Variants in EPHA6 observed in about 807,000 individuals in gnomAD.
The protein encoded by EPHA6 is EPH receptor A6.
In EPHA6, 50 loss-of-function variants were observed where a neutral mutation model predicts 112.0. That is an observed-to-expected ratio of 0.45 (90% CI 0.36 to 0.56). EPHA6 has a LOEUF of 0.56. Ranked by LOEUF, EPHA6 falls within the 20% of genes least tolerant of loss-of-function variation. EPHA6 has a pLI of 0.00. For synonymous variants in EPHA6, 529 were observed against 490.7 expected, an observed-to-expected ratio of 1.08 and a Z score of -1.03; for missense variants, 1,280 against 1,417.4, an observed-to-expected ratio of 0.90 and a Z score of 1.56.
At chr3:96,981,118 T>C (rs1227278204) in intron 2 of EPHA6, among the ~76,000 whole-genome samples, 2 of 152,210 alleles carry the variant, frequency 1.3e-5, no homozygotes, top group African/African-American at 4.8e-5. Context: ...AGGGCGTCCC[T>C]GTCTTGTGCC....
intron 3 of EPHA6, among the ~76,000 whole-genome samples, chr3:97,021,083 A>G (rs1354003083): frequency 6.6e-6 from 1 of 152,214 alleles, no homozygotes; most frequent in East Asian, 1.9e-4. Flanking sequence ...AGAGTGGCCA[A>G]ACAGGTAACA....
chr3:97,452,405 C>CAT (rs371954144), intron 7 of EPHA6, among the ~76,000 whole-genome samples: 63 of 151,824 alleles, frequency 4.1e-4, no homozygotes, highest in African/African-American at 1.4e-3. Context: ...GATATTCACT[C>CAT]ATATATAATC....
chr3:97,182,782 G>T (rs199899141), intron 3 of EPHA6, among the ~76,000 whole-genome samples: 1 of 152,120 alleles, frequency 6.6e-6, no homozygotes, highest in East Asian at 1.9e-4. Context: ...ATAAGAGAAA[G>T]TAGTGTAGAA....
At chr3:97,187,318 C>CCG in intron 3 of EPHA6, among the ~76,000 whole-genome samples, 1 of 152,160 alleles carries the variant, frequency 6.6e-6, no homozygotes, top group South Asian at 2.1e-4. Context: ...TGGCTCACGC[C>CCG]TGTATTCCCA....
intron 6 of EPHA6, among the ~76,000 whole-genome samples, chr3:97,435,293 C>T (rs941162760): frequency 9.9e-5 from 15 of 152,078 alleles, no homozygotes; most frequent in Non-Finnish European, 2.1e-4. Context: ...ATTTTCAGTA[C>T]TGGGTCAAAA....
chr3:97,420,633 A>G (rs1411356187), intron 6 of EPHA6, among the ~76,000 whole-genome samples: 1 of 152,144 alleles, frequency 6.6e-6, no homozygotes, highest in Non-Finnish European at 1.5e-5. Context: ...CAAGGAACCC[A>G]TCATTTCAAA....
intron 11 of EPHA6, among the ~76,000 whole-genome samples, chr3:97,582,255 C>T (rs2093445271): frequency 6.6e-6 from 1 of 152,102 alleles, no homozygotes; most frequent in Non-Finnish European, 1.5e-5. Context: ...TCTCAAACCC[C>T]TGACCTGAGG....
chr3:97,516,786 A>G (rs1047156767), intron 10 of EPHA6, among the ~76,000 whole-genome samples: 2 of 152,196 alleles, frequency 1.3e-5, no homozygotes, highest in Non-Finnish European at 2.9e-5. Flanking sequence ...GATGAAACTG[A>G]AGACAGGAAT....
intron 1 of EPHA6, among the ~76,000 whole-genome samples, chr3:96,854,347 T>A (rs1275381908): frequency 1.3e-5 from 2 of 151,766 alleles, no homozygotes; most frequent in African/African-American, 4.8e-5. Flanking sequence ...ACCCAGCTAA[T>A]TTTTGTATTT....
chr3:97,621,407 C>A (rs2093813174), intron 13 of EPHA6, among the ~76,000 whole-genome samples: 1 of 151,866 alleles, frequency 6.6e-6, no homozygotes, highest in African/African-American at 2.4e-5. Context: ...GCACATGTAC[C>A]CCTGAACTTA....
intron 1 of EPHA6, among the ~76,000 whole-genome samples, chr3:96,827,991 G>A (rs77753754): frequency 1.3e-5 from 2 of 152,072 alleles, no homozygotes; most frequent in East Asian, 1.9e-4. Context: ...GTTCTATTTC[G>A]GGTTGTCTTT....
intron 3 of EPHA6, among the ~76,000 whole-genome samples, chr3:97,217,713 A>G (rs2078071640): frequency 6.6e-6 from 1 of 152,232 alleles, no homozygotes. Context: ...TATGCCAATT[A>G]TACTTCAGTA....
chr3:97,412,196 T>C (rs933323342), intron 6 of EPHA6, among the ~76,000 whole-genome samples: 13 of 152,106 alleles, frequency 8.5e-5, no homozygotes, highest in Non-Finnish European at 1.6e-4. Context: ...AAACTCTCTT[T>C]CCTACTGCTC....
intron 1 of EPHA6, among the ~76,000 whole-genome samples, chr3:96,843,138 AAAGAT>A (rs2034851319): frequency 6.6e-6 from 1 of 152,100 alleles, no homozygotes; most frequent in East Asian, 1.9e-4. Flanking sequence ...TTGTCCAAGT[AAAGAT>A]ATTTGTACAT....
intron 9 of EPHA6, among the ~76,000 whole-genome samples, chr3:97,483,412 T>A (rs1415307546): frequency 6.6e-6 from 1 of 152,214 alleles, no homozygotes; most frequent in African/African-American, 2.4e-5. Flanking sequence ...ATGGCCATTA[T>A]CCCTACTGGC....
At chr3:96,916,662 G>A (rs1233727698) in intron 2 of EPHA6, among the ~76,000 whole-genome samples, 3 of 152,092 alleles carry the variant, frequency 2.0e-5, no homozygotes, top group African/African-American at 7.2e-5. Flanking sequence ...TGAAAGAGTT[G>A]TCCTCAAAGG....
At chr3:97,177,648 T>C (rs1303998026) in intron 3 of EPHA6, among the ~76,000 whole-genome samples, 1 of 152,004 alleles carries the variant, frequency 6.6e-6, no homozygotes, top group African/African-American at 2.4e-5. Context: ...TTGGTTCATA[T>C]ATATTTACAA....
chr3:97,522,566 A>G (rs764704293), intron 10 of EPHA6, among the ~76,000 whole-genome samples: 1 of 152,138 alleles, frequency 6.6e-6, no homozygotes, highest in Non-Finnish European at 1.5e-5. Flanking sequence ...GCCTTGTAAA[A>G]TGAGTTTAGA....
intron 5 of EPHA6, among the ~76,000 whole-genome samples, chr3:97,369,608 T>C (rs1226023555): frequency 3.9e-5 from 6 of 152,292 alleles, no homozygotes; most frequent in Non-Finnish European, 5.9e-5. Context: ...TAACCTGAAA[T>C]TGCTCTCATC....
Sources: gnomAD v4.1 joint callset for allele counts (sites outside exome capture counted in the v4.1 genomes callset) on GRCh38, gnomAD v4.1.1 for gene constraint, MANE v1.5 for transcripts, NCBI Gene and HGNC (gene_info 2026-07-23, HGNC 2026-07-21) for gene names.